Variants in PCDHA1 observed in about 807,000 individuals in gnomAD.
PCDHA1 encodes protocadherin alpha-1.
A neutral mutation model predicts 61.3 loss-of-function variants in PCDHA1; 42 were observed. The observed-to-expected ratio is 0.69, with a 90% CI of 0.54 to 0.89. PCDHA1 has a LOEUF of 0.89. Ranked by LOEUF, PCDHA1 falls within the 40% of genes least tolerant of loss-of-function variation. The pLI is 0.00. For missense variants in PCDHA1, 1,256 were observed against 1,235.3 expected, an observed-to-expected ratio of 1.02 and a Z score of -0.25; for synonymous variants, 610 against 553.8, an observed-to-expected ratio of 1.10 and a Z score of -1.43.
At chr5:140,800,499 C>T (rs1199264342) in intron 1 of PCDHA1, among the ~76,000 whole-genome samples, 2 of 152,164 alleles carry the variant, frequency 1.3e-5, no homozygotes, top group South Asian at 2.1e-4. Context: ...CTTTTAAATA[C>T]TTCAACATCT....
rs1395280300 is a variant in PCDHA1, at chr5:140,857,152, T to C, written c.2394+68468T>C. ...AAGATGCTCAAGTGGGCACCGTCAT[T>C]GCCCTAATCAGCGTTTCTGACCATG... On this transcript the variant is annotated intron_variant, in intron 1 of 3. Coordinates refer to ENST00000504120, the MANE Select transcript of PCDHA1 (RefSeq NM_018900.4). The C allele has an allele frequency of 3.8e-6, 6 of 1,598,324 alleles. 1 individual carries two copies. In the Admixed American group the frequency reaches 8.4e-5, roughly 22 times the overall value.
rs369163231 is a variant in PCDHA1 at position 140,807,788 on chromosome 5, G to C, written c.2394+19104G>C. 2.5e-6 allele frequency: 4 copies of C among 1,614,024 alleles called. No homozygotes were observed. The highest frequency in any genetic ancestry group is 3.4e-6 in the Non-Finnish European group (4 of 1,180,050). ...TGGGCTTATATTACGGAAATCTTTAGACAGAGAAGAAGCTCCGGAGATTTT... is the reference window on the plus strand; with the variant it reads ...TGGGCTTATATTACGGAAATCTTTACACAGAGAAGAAGCTCCGGAGATTTT... On this transcript the variant is annotated intron_variant, in intron 1 of 3. Coordinates refer to ENST00000504120, the MANE Select transcript of PCDHA1 (RefSeq NM_018900.4).
rs1203554709 is a variant in PCDHA1 at position 140,835,098 on chromosome 5, GC to G, written c.2394+46418del. On this transcript the variant is annotated intron_variant, in intron 1 of 3. Coordinates refer to ENST00000504120, the MANE Select transcript of PCDHA1 (RefSeq NM_018900.4). Reference sequence around the variant, plus strand: ...CACGGTACTGGACAACAATGACAATGCCCCAGTGTTCGACAGAACCCTGTAT... The same window carrying G: ...CACGGTACTGGACAACAATGACAATGCCCAGTGTTCGACAGAACCCTGTAT... 6.4e-6 allele frequency: 8 copies of G among 1,244,734 alleles called. No individual in the cohort carries two copies. In the East Asian group the frequency reaches 1.8e-4, roughly 28 times the overall value. 77.1% of individuals were successfully genotyped at this position (1,244,734 alleles called of 1,614,324 possible).
At chr5:140,876,843 G>A (rs1554169011) in intron 1 of PCDHA1, 3 of 1,614,128 alleles carry the variant, frequency 1.9e-6, no homozygotes, top group East Asian at 2.2e-5. Flanking sequence ...CGTTCGCGCA[G>A]CCCGAGTACA....
intron 1 of PCDHA1, among the ~76,000 whole-genome samples, chr5:140,907,970 A>G (rs1312755290): frequency 6.6e-6 from 1 of 152,158 alleles, no homozygotes; most frequent in African/African-American, 2.4e-5. Context: ...CAATTTTCCA[A>G]TCATGCTTCT....
intron 1 of PCDHA1, among the ~76,000 whole-genome samples, chr5:140,895,297 T>TC (rs1269688627): frequency 1.3e-5 from 2 of 152,118 alleles, no homozygotes; most frequent in African/African-American, 2.4e-5. Context: ...ACCTTCGATT[T>TC]CCCCCCTTCC....
chr5:140,870,256 A>G, intron 1 of PCDHA1: 1 of 1,614,168 alleles, frequency 6.2e-7, no homozygotes, highest in Non-Finnish European at 8.5e-7. Flanking sequence ...CGGACAGGTG[A>G]CCTGCTCGCT....
chr5:140,795,109 G>A (rs374233673), intron 1 of PCDHA1: 1 of 1,614,030 alleles, frequency 6.2e-7, no homozygotes, highest in Non-Finnish European at 8.5e-7. Flanking sequence ...GGGCCGCATC[G>A]CGCAGGACCT....
intron 1 of PCDHA1, among the ~76,000 whole-genome samples, chr5:140,931,261 A>G (rs1455233876): frequency 6.6e-6 from 1 of 152,152 alleles, no homozygotes; most frequent in African/African-American, 2.4e-5. Flanking sequence ...AAATTTCACT[A>G]TTTATTTCTT....
At chr5:140,790,074 T>C (rs1426672125) in intron 1 of PCDHA1, among the ~76,000 whole-genome samples, 8 of 152,058 alleles carry the variant, frequency 5.3e-5, no homozygotes, top group Non-Finnish European at 1.2e-4. Context: ...TATAGAAGTA[T>C]GAAAAAATAA....
intron 1 of PCDHA1, chr5:140,807,560 G>A (rs1554124081): frequency 1.2e-6 from 2 of 1,614,182 alleles, no homozygotes; most frequent in South Asian, 1.1e-5. Flanking sequence ...GGAGGTGAGG[G>A]ACATTAACGA....
intron 1 of PCDHA1, chr5:140,828,939 G>A: frequency 6.2e-7 from 1 of 1,614,232 alleles, no homozygotes; most frequent in Non-Finnish European, 8.5e-7. Context: ...TCTTTTAATA[G>A]CCTTGTTGCA....
intron 1 of PCDHA1, chr5:140,882,874 A>G (rs376046205): frequency 1.9e-6 from 3 of 1,614,108 alleles, no homozygotes; most frequent in Non-Finnish European, 2.5e-6. Context: ...CACTGGACAG[A>G]GAGGAAATTC....
At chr5:140,791,705 TTG>T (rs782170540) in intron 1 of PCDHA1, among the ~76,000 whole-genome samples, 12 of 152,242 alleles carry the variant, frequency 7.9e-5, no homozygotes, top group Non-Finnish European at 1.2e-4. Context: ...CTACTGTGTT[TTG>T]ATTTCTTTTT....
intron 1 of PCDHA1, chr5:140,841,278 T>G: frequency 1.3e-6 from 2 of 1,521,566 alleles, no homozygotes; most frequent in South Asian, 1.3e-5. Flanking sequence ...GTCGTTCATC[T>G]TTATATTAAG....
At chr5:140,851,652 C>T (rs628890) in intron 1 of PCDHA1, 5 of 909,694 alleles carry the variant, frequency 5.5e-6, no homozygotes, top group Middle Eastern at 5.6e-4. Flanking sequence ...TTCAAGAAGA[C>T]ATTCTCCTTT....
intron 1 of PCDHA1, chr5:140,968,616 A>G (rs782318101): frequency 6.2e-7 from 1 of 1,614,154 alleles, no homozygotes; most frequent in Admixed American, 1.7e-5. Flanking sequence ...TCTGGGCAAA[A>G]TGCTTGGCTT....
intron 1 of PCDHA1, among the ~76,000 whole-genome samples, chr5:140,951,536 C>T (rs1260106126): frequency 2.0e-5 from 3 of 151,914 alleles, no homozygotes; most frequent in Admixed American, 6.6e-5. Flanking sequence ...GGTGCAGGAG[C>T]AAGGGACGGG....
Position 140,786,800 on chromosome 5 carries a change from C to T in PCDHA1, c.510C>T (p.Tyr170=), listed in dbSNP as rs370246817. Residue 170 remains tyrosine, a synonymous_variant, in exon 1 of 4, where the codon TAC becomes TAT. Coordinates refer to ENST00000504120, the MANE Select transcript of PCDHA1 (RefSeq NM_018900.4). Reference sequence around the variant, plus strand: ...TTGGTGCTAACGCTCTTCTAACGTACACGCTCAGCCCGAGTGATTATTTCT... The same window carrying T: ...TTGGTGCTAACGCTCTTCTAACGTATACGCTCAGCCCGAGTGATTATTTCT... The part of the protein sequence containing the change: ...ADIGANALLT[Y]TLSPSDYFSL... 54 of 1,614,096 alleles carry T rather than the reference C, an allele frequency of 3.3e-5. No homozygotes were observed. Among genetic ancestry groups the T allele is most frequent in the African/African-American group, 5.3e-5 (4 of 74,938 alleles).
Sources: gnomAD v4.1 joint callset for allele counts (sites outside exome capture counted in the v4.1 genomes callset) on GRCh38, gnomAD v4.1.1 for gene constraint, MANE v1.5 for transcripts, NCBI Gene and HGNC (gene_info 2026-07-23, HGNC 2026-07-21) for gene names.